The following BPNT1 variants were observed in gnomAD, a reference collection of about 807,000 sequenced individuals.
BPNT1 encodes 3'(2'), 5'-bisphosphate nucleotidase 1.
A neutral mutation model predicts 36.9 loss-of-function variants in BPNT1; 28 were observed. The ratio of observed to expected loss-of-function variants is 0.76; its 90% CI spans 0.56 to 1.04. The LOEUF (loss-of-function observed/expected upper bound fraction) is 1.04. Ranked by LOEUF, BPNT1 falls within the 50% of genes least tolerant of loss-of-function variation. BPNT1 has a pLI of 0.00. For missense variants in BPNT1, 313 were observed against 372.9 expected, an observed-to-expected ratio of 0.84 and a Z score of 1.32; for synonymous variants, 119 against 130.9, an observed-to-expected ratio of 0.91 and a Z score of 0.62.
chr1:220,062,357 T>C lies in BPNT1; in HGVS notation c.672+400A>G, dbSNP rs1663123931. 7.6e-5 allele frequency among the ~76,000 whole-genome samples: 11 copies of C among 144,446 alleles called. No homozygotes were observed. In the Admixed American group the frequency reaches 8.1e-4, roughly 11 times the overall value. 94.8% of individuals were successfully genotyped at this position (144,446 alleles called of 152,430 possible). A position where few individuals can be genotyped will look rare whatever the true frequency, so the allele number is the denominator to read the frequency against. On this transcript the variant is annotated intron_variant, in intron 7 of 8. Coordinates refer to ENST00000322067, the MANE Select transcript of BPNT1 (RefSeq NM_006085.6). ...CCCTTCCTGTGTCCATGTGTTCTCA[T>C]TGTTCAATTCCCATTTATGAGTGAG...
At chr1:220,059,099 A>C (rs1227489802) in intron 8 of BPNT1, 107 bp from the exon 9 acceptor site, 12 of 1,092,898 alleles carry the variant, frequency 1.1e-5, no homozygotes, top group Admixed American at 2.1e-5. Flanking sequence ...GTAGCCAATA[A>C]ATTCTGGATG....
rs555622718 is a variant in BPNT1 at position 220,067,663 on chromosome 1, A to G, written c.383-270T>C. 1.1e-3 allele frequency among the ~76,000 whole-genome samples: 160 copies of G among 152,346 alleles called. 2 individuals are homozygous for G. Among genetic ancestry groups the G allele is most frequent in the Middle Eastern group, 3.4e-3 (1 of 294 alleles). ...ATAAAGCAGCCATAATTTTGCAGCC[A>G]TCATCATCAGATTCCTCTGTGCCTC... is the stretch of plus-strand genomic sequence containing the variant. On this transcript the variant is annotated intron_variant, in intron 5 of 8. Coordinates refer to ENST00000322067, the MANE Select transcript of BPNT1 (RefSeq NM_006085.6).
chr1:220,082,321 T>C (rs978780165), intron 1 of BPNT1, among the ~76,000 whole-genome samples: 6 of 150,936 alleles, frequency 4.0e-5, no homozygotes, highest in African/African-American at 1.5e-4. Context: ...GCTGGGATTA[T>C]AGGTGCCTGC....
intron 8 of BPNT1, among the ~76,000 whole-genome samples, chr1:220,059,390 C>T (rs1662811105): frequency 6.9e-6 from 1 of 144,258 alleles, no homozygotes; most frequent in Non-Finnish European, 1.5e-5. Flanking sequence ...GCATTCCAGC[C>T]TAGACAATAG....
At chr1:220,063,326 C>T (rs894403854) in intron 6 of BPNT1, among the ~76,000 whole-genome samples, 1 of 152,000 alleles carries the variant, frequency 6.6e-6, no homozygotes, top group Non-Finnish European at 1.5e-5. Context: ...CCAGTCTGGG[C>T]GACAGGGCAA....
chr1:220,067,340 T>C lies in BPNT1; in HGVS notation c.436A>G (p.Ile146Val). 2 of 1,610,870 alleles carry C rather than the reference T, an allele frequency of 1.2e-6. No individual in the cohort carries two copies. Among genetic ancestry groups the C allele is most frequent in the Non-Finnish European group, 1.7e-6 (2 of 1,178,106 alleles). The change falls in exon 6 of 9, where the codon ATA becomes GTA. Residue 146 changes from isoleucine to valine, a missense_variant. Ile to Val is a conservative substitution (Grantham distance 29, BLOSUM62 3). Coordinates refer to ENST00000322067, the MANE Select transcript of BPNT1 (RefSeq NM_006085.6). ...LIGIAYEGKA[I>V]AGVINQPYYN... Reference sequence around the variant, plus strand: ...TATGGCTGGTTAATAACTCCTGCTATGGCTTTTCCTTCATAAGCAATTCCA... The same window carrying C: ...TATGGCTGGTTAATAACTCCTGCTACGGCTTTTCCTTCATAAGCAATTCCA...
At chr1:220,083,375 C>T (rs557008416) in intron 1 of BPNT1, among the ~76,000 whole-genome samples, 5 of 150,886 alleles carry the variant, frequency 3.3e-5, no homozygotes, top group African/African-American at 1.2e-4. Context: ...CCCAGGCTGG[C>T]GCGATCTCGG....
rs949722389 is a variant in BPNT1, at chr1:220,073,010, T to G, written c.226-53A>C. The G allele has an allele frequency of 2.2e-6, 3 of 1,378,922 alleles. No homozygotes were observed. In the African/African-American group the frequency reaches 4.3e-5, roughly 20 times the overall value. The allele number at this position is 1,378,922 out of a possible 1,614,324, so 85.4% of individuals were successfully genotyped here. A position where few individuals can be genotyped will look rare whatever the true frequency, so the allele number is the denominator to read the frequency against. On this transcript the variant is annotated intron_variant, in intron 3 of 8. Transcript: ENST00000322067. ...CTGAAGCTGTTTAGTGTTTACAGAG[T>G]ATGCTTTGTCTCATTAACAGAAGAA...
chr1:220,088,507 G>A (rs907523925), intron 1 of BPNT1, among the ~76,000 whole-genome samples: 12 of 146,400 alleles, frequency 8.2e-5, no homozygotes, highest in African/African-American at 1.3e-4. Context: ...AAAAATTGTC[G>A]CTGAATGCAG....
At chr1:220,080,632 TACTC>T (rs1371329950) in intron 1 of BPNT1, among the ~76,000 whole-genome samples, 3 of 152,128 alleles carry the variant, frequency 2.0e-5, no homozygotes, top group South Asian at 2.1e-4. Flanking sequence ...CATGAGAACT[TACTC>T]ACTATCACTG....
At chr1:220,063,447 C>G (rs1273103771) in intron 6 of BPNT1, among the ~76,000 whole-genome samples, 2 of 152,190 alleles carry the variant, frequency 1.3e-5, no homozygotes, top group African/African-American at 4.8e-5. Context: ...TTCTGGTTAA[C>G]AGTTTCAAAG....
rs187229139 is a variant in BPNT1 at position 220,063,947 on chromosome 1, T to C, written c.475-993A>G. On this transcript the variant is annotated intron_variant, in intron 6 of 8. Coordinates refer to ENST00000322067, the MANE Select transcript of BPNT1 (RefSeq NM_006085.6). ...AAAGTAAAACTGATACATAAAATGA[T>C]TGATGCAAAGTCATCAAAATACAAT... 3.9e-5 allele frequency among the ~76,000 whole-genome samples: 6 copies of C among 152,252 alleles called. No homozygotes were observed. The East Asian group carries it at 9.6e-4, about 24-fold the overall frequency.
At chr1:220,059,422 A>G (rs1662816820) in intron 8 of BPNT1, among the ~76,000 whole-genome samples, 1 of 151,464 alleles carries the variant, frequency 6.6e-6, no homozygotes, top group Non-Finnish European at 1.5e-5. Context: ...CAAAAAAAAA[A>G]AAAGGCTATA....
intron 1 of BPNT1, among the ~76,000 whole-genome samples, chr1:220,081,330 G>A (rs1655101130): frequency 6.6e-6 from 1 of 152,128 alleles, no homozygotes; most frequent in South Asian, 2.1e-4. Flanking sequence ...CTCACCTGAG[G>A]TCAGGAGTTT....
chr1:220,069,489 ATAGATT>A (rs1222425974), intron 4 of BPNT1, 57 bp from the exon 5 acceptor site: 1 of 1,248,824 alleles, frequency 8.0e-7, no homozygotes, highest in Non-Finnish European at 1.1e-6. Flanking sequence ...AATTCTAAAA[ATAGATT>A]TAAATAGATT....
chr1:220,058,429 G>C lies in BPNT1; in HGVS notation c.*415C>G, dbSNP rs1390678533. 5 of 965,708 alleles carry C rather than the reference G, an allele frequency of 5.2e-6. No homozygotes were observed. The highest frequency in any genetic ancestry group is 4.7e-5 in the South Asian group (1 of 21,148). 59.8% of individuals were successfully genotyped at this position (965,708 alleles called of 1,614,324 possible). A position where few individuals can be genotyped will look rare whatever the true frequency, so the allele number is the denominator to read the frequency against. On this transcript the variant is annotated 3_prime_UTR_variant, in exon 9 of 9. Coordinates refer to ENST00000322067, the MANE Select transcript of BPNT1 (RefSeq NM_006085.6). ...AAATCACTGCTCAACAATGAATAAA[G>C]GTGGAACTCTAATTCTACCCAATTA... is the stretch of plus-strand genomic sequence containing the variant.
rs139218932 is a variant in BPNT1 at position 220,061,741 on chromosome 1, G to A, written c.672+1016C>T. 2.6e-4 allele frequency among the ~76,000 whole-genome samples: 39 copies of A among 152,058 alleles called. No homozygotes were observed. In the East Asian group the frequency reaches 6.6e-3, roughly 26 times the overall value. ...AAGAGGATGAACTCAAATTGGACAC[G>A]CTAAATTTGAGATACCTGAGGGATG... On this transcript the variant is annotated intron_variant, in intron 7 of 8. Coordinates refer to ENST00000322067, the MANE Select transcript of BPNT1 (RefSeq NM_006085.6).
At chr1:220,063,685 G>A (rs1303778937) in intron 6 of BPNT1, among the ~76,000 whole-genome samples, 1 of 152,124 alleles carries the variant, frequency 6.6e-6, no homozygotes, top group Non-Finnish European at 1.5e-5. Context: ...TACAGGAATA[G>A]GTAATGATGA....
At chr1:220,073,123 A>G (rs1664218467) in intron 3 of BPNT1, among the ~76,000 whole-genome samples, 166 bp from the exon 4 acceptor site, 1 of 152,234 alleles carries the variant, frequency 6.6e-6, no homozygotes, top group African/African-American at 2.4e-5. Context: ...TGCAAAAACA[A>G]CCATATGTGG....
Sources: allele counts gnomAD v4.1 joint callset (sites outside exome capture counted in the v4.1 genomes callset), GRCh38; gene constraint gnomAD v4.1.1; transcripts MANE v1.5; gene names NCBI Gene and HGNC (gene_info 2026-07-23, HGNC 2026-07-21).